DSC1: variants seen among roughly 807,000 people sequenced by gnomAD.
DSC1 encodes the protein desmocollin 1, also known as desmocollin-1.
In DSC1, 79 loss-of-function variants were observed where a neutral mutation model predicts 98.8. The ratio of observed to expected loss-of-function variants is 0.80; its 90% CI spans 0.67 to 0.96. DSC1 has a LOEUF of 0.96. Among genes scored for constraint, DSC1 ranks in the 50% least tolerant of loss-of-function variants. DSC1 has a pLI of 0.00. For missense variants in DSC1, 1,115 were observed against 1,075.9 expected (o/e 1.04, Z -0.51); for synonymous variants, 405 against 372.1 (o/e 1.09, Z -1.02).
intron 5 of DSC1, among the ~76,000 whole-genome samples, chr18:31,150,372 C>CTAT: frequency 1.1e-5 from 1 of 89,948 alleles, no homozygotes; most frequent in African/African-American, 3.6e-5. Context: ...ATCACCACCA[C>CTAT]CATCATCACC....
intron 5 of DSC1, among the ~76,000 whole-genome samples, chr18:31,150,252 C>CGAT (rs1988945756): frequency 8.2e-6 from 1 of 121,506 alleles, no homozygotes; most frequent in Non-Finnish European, 1.8e-5. Flanking sequence ...ACCACTACCA[C>CGAT]CACCACCATC....
chr18:31,134,494 A>G, intron 12 of DSC1, 78 bp downstream of exon 12: 1 of 1,172,190 alleles, frequency 8.5e-7, no homozygotes, highest in Non-Finnish European at 1.2e-6. Flanking sequence ...ATGTGTATTT[A>G]TTATGATAAA....
chr18:31,139,416 C>A (rs1049615464), intron 11 of DSC1, among the ~76,000 whole-genome samples: 1 of 151,982 alleles, frequency 6.6e-6, no homozygotes, highest in African/African-American at 2.4e-5. Context: ...TGAAAAAAAA[C>A]GGTGATCCTT....
Position 31,131,928 on chromosome 18 carries a change from A to G in DSC1, c.2239-86T>C, listed in dbSNP as rs1335855292. 6.2e-6 allele frequency: 9 copies of G among 1,460,892 alleles called. No homozygotes were observed. The Admixed American group carries it at 1.4e-4, about 22-fold the overall frequency. The allele number at this position is 1,460,892 out of a possible 1,614,324, so 90.5% of individuals were successfully genotyped here. A position where few individuals can be genotyped will look rare whatever the true frequency, so the allele number is the denominator to read the frequency against. On this transcript the variant is annotated intron_variant, in intron 14 of 15. Transcript: ENST00000257198. Reference sequence around the variant, plus strand: ...CATTTTTTTTCACCATAGGCAAATCACTTGCCTGCTGTGCCTCTCTGTTCC... The same window carrying G: ...CATTTTTTTTCACCATAGGCAAATCGCTTGCCTGCTGTGCCTCTCTGTTCC...
intron 9 of DSC1, 137 bp from the exon 10 acceptor site, chr18:31,140,438 C>A: frequency 1.2e-6 from 1 of 854,614 alleles, no homozygotes; most frequent in Non-Finnish European, 1.6e-6. Context: ...AGTTAAAGAC[C>A]AACAATTAGC....
intron 2 of DSC1, among the ~76,000 whole-genome samples, chr18:31,158,504 G>T (rs182030313): frequency 6.8e-6 from 1 of 146,532 alleles, no homozygotes; most frequent in East Asian, 2.1e-4. Context: ...AACAACATCT[G>T]GCTTGGAAAG....
intron 2 of DSC1, 75 bp from the exon 3 acceptor site, chr18:31,157,648 T>C (rs1989126729): frequency 6.6e-7 from 1 of 1,515,214 alleles, no homozygotes; most frequent in Admixed American, 1.7e-5. Context: ...ATGACAGCCG[T>C]GAGTTAATGC....
intron 7 of DSC1, among the ~76,000 whole-genome samples, chr18:31,144,708 T>G (rs7238483): frequency 6.6e-6 from 1 of 151,678 alleles, no homozygotes; most frequent in Admixed American, 6.6e-5. Context: ...ATGATGAATG[T>G]GTGTCTTTAC....
chr18:31,132,129 C>A (rs1465923463), intron 14 of DSC1: 9 of 431,394 alleles, frequency 2.1e-5, no homozygotes, highest in Admixed American at 1.5e-4. Flanking sequence ...GGTCCCTAAG[C>A]GAATATAATC....
intron 2 of DSC1, among the ~76,000 whole-genome samples, chr18:31,158,931 G>C (rs1989152014): frequency 6.6e-6 from 1 of 151,412 alleles, no homozygotes; most frequent in East Asian, 1.9e-4. Flanking sequence ...TAATTTTTTT[G>C]GCAAGAGAAG....
At chr18:31,132,438 G>T in intron 14 of DSC1, 130 bp downstream of exon 14, 1 of 1,270,930 alleles carries the variant, frequency 7.9e-7, no homozygotes, top group Non-Finnish European at 1.1e-6. Context: ...AACACTGAGG[G>T]CACTTGAAAC....
intron 4 of DSC1, among the ~76,000 whole-genome samples, chr18:31,155,467 T>C (rs1989077750): frequency 6.6e-6 from 1 of 151,062 alleles, no homozygotes; most frequent in African/African-American, 2.5e-5. Flanking sequence ...TTGCCTCTAC[T>C]AAAAATACAA....
intron 8 of DSC1, among the ~76,000 whole-genome samples, chr18:31,143,058 G>A (rs1468017874): frequency 6.6e-6 from 1 of 151,696 alleles, no homozygotes; most frequent in Non-Finnish European, 1.5e-5. Flanking sequence ...TTTATCAAAA[G>A]TTCAGGAAAG....
intron 15 of DSC1, 45 bp downstream of exon 15, chr18:31,131,549 C>G: frequency 6.2e-7 from 1 of 1,601,672 alleles, no homozygotes; most frequent in Non-Finnish European, 8.5e-7. Flanking sequence ...TTATAACTAG[C>G]ATTTAACTTC....
At chr18:31,162,455 C>G (rs542433071) in intron 1 of DSC1, 77 bp downstream of exon 1, 16 of 1,410,352 alleles carry the variant, frequency 1.1e-5, no homozygotes, top group African/African-American at 9.9e-5. Context: ...CACTCCTAGT[C>G]TCTTTCAAGC....
chr18:31,140,981 A>G (rs1379455989), intron 9 of DSC1, among the ~76,000 whole-genome samples: 2 of 152,164 alleles, frequency 1.3e-5, no homozygotes, highest in Admixed American at 1.3e-4. Flanking sequence ...TAGCTTTATC[A>G]GGGGTTTCTG....
At chr18:31,157,946 T>C (rs1038672385) in intron 2 of DSC1, among the ~76,000 whole-genome samples, 12 of 152,158 alleles carry the variant, frequency 7.9e-5, no homozygotes, top group African/African-American at 2.7e-4. Context: ...GTTTTGAACT[T>C]TTTGCAGTAG....
chr18:31,157,663 G>A, intron 2 of DSC1, 90 bp from the exon 3 acceptor site: 3 of 1,414,046 alleles, frequency 2.1e-6, no homozygotes, highest in Non-Finnish European at 3.0e-6. Context: ...TAATGCATGA[G>A]AAGCAGAAAA....
At chr18:31,136,583 A>G (rs2144920383) in intron 11 of DSC1, among the ~76,000 whole-genome samples, 1 of 152,334 alleles carries the variant, frequency 6.6e-6, no homozygotes, top group Admixed American at 6.5e-5. Flanking sequence ...GTCTTAGAAC[A>G]GGGGTGTCCA....
Sources: allele counts gnomAD v4.1 joint callset (sites outside exome capture counted in the v4.1 genomes callset), GRCh38; gene constraint gnomAD v4.1.1; transcripts MANE v1.5; gene names NCBI Gene and HGNC (gene_info 2026-07-23, HGNC 2026-07-21).